Variants in ARL8B observed in about 807,000 individuals in gnomAD.
The protein encoded by ARL8B is ARF like GTPase 8B, also known as ADP-ribosylation factor-like protein 8B.
ARL8B carries 9 observed loss-of-function variants against 30.6 expected under a neutral mutation model. The ratio of observed to expected loss-of-function variants is 0.29; its 90% CI spans 0.18 to 0.51. ARL8B has a LOEUF of 0.51. ARL8B is among the 20% of genes least tolerant of loss of function. ARL8B has a pLI of 0.97. For synonymous variants in ARL8B, 74 were observed against 76.0 expected (o/e 0.97, Z 0.14); for missense variants, 130 against 227.2 (o/e 0.57, Z 2.75).
intron 4 of ARL8B, 114 bp downstream of exon 4, chr3:5,172,854 A>G: frequency 1.4e-6 from 1 of 738,426 alleles, no homozygotes; most frequent in Non-Finnish European, 2.2e-6. Flanking sequence ...TCATTTTTAA[A>G]ATCTGGAAAA....
At chr3:5,131,122 A>G (rs1248673316) in intron 1 of ARL8B, among the ~76,000 whole-genome samples, 1 of 152,040 alleles carries the variant, frequency 6.6e-6, no homozygotes, top group African/African-American at 2.4e-5. Flanking sequence ...CATGTGGGCC[A>G]GGCTGGTGTC....
At chr3:5,176,517 C>G (rs1241195694) in intron 6 of ARL8B, among the ~76,000 whole-genome samples, 1 of 152,208 alleles carries the variant, frequency 6.6e-6, no homozygotes, top group Non-Finnish European at 1.5e-5. Context: ...CAGGCATGAG[C>G]CACCACGCCC....
At chr3:5,132,589 TAGTC>T (rs776846818) in intron 1 of ARL8B, among the ~76,000 whole-genome samples, 4 of 152,230 alleles carry the variant, frequency 2.6e-5, no homozygotes, top group Non-Finnish European at 5.9e-5. Flanking sequence ...TTGTTTCTAA[TAGTC>T]TGTCCCTTTT....
intron 1 of ARL8B, among the ~76,000 whole-genome samples, chr3:5,140,352 G>T (rs1397008066): frequency 6.6e-6 from 1 of 152,058 alleles, no homozygotes; most frequent in African/African-American, 2.4e-5. Context: ...TGTGGTAAGG[G>T]GAAACCCCTT....
intron 1 of ARL8B, among the ~76,000 whole-genome samples, chr3:5,139,207 A>G (rs1379491745): frequency 6.6e-6 from 1 of 152,240 alleles, no homozygotes; most frequent in East Asian, 1.9e-4. Flanking sequence ...AGTAGGCACT[A>G]AAGGACTAAG....
rs568729707 is a variant in ARL8B at position 5,173,222 on chromosome 3, T to C, written c.372+482T>C. ...AAGGGATACATACAAATGTGAGGTA[T>C]ATGACAGTTGGAGGGGAAGAGAGTT... On this transcript the variant is annotated intron_variant, in intron 4 of 6. Transcript: ENST00000256496. 3.3e-5 allele frequency among the ~76,000 whole-genome samples: 5 copies of C among 152,176 alleles called. 1 individual carries two copies. The South Asian group carries it at 1.0e-3, about 32-fold the overall frequency.
rs1216300145 is a variant in ARL8B at position 5,175,306 on chromosome 3, ATCT to A, written c.511+897_511+899del. On this transcript the variant is annotated intron_variant, in intron 6 of 6. Coordinates refer to ENST00000256496, the MANE Select transcript of ARL8B (RefSeq NM_018184.3). ...GAGGACTGAATGTATAACATCCTGAATCTTCTTTGTGCTATTTAAAGAAGAAAA... is the reference window on the plus strand; with the variant it reads ...GAGGACTGAATGTATAACATCCTGAATCTTTGTGCTATTTAAAGAAGAAAA... Among the ~76,000 whole-genome samples, 6 of 152,208 alleles carry A rather than the reference ATCT, an allele frequency of 3.9e-5. No individual in the cohort carries two copies. The East Asian group carries it at 5.8e-4, about 15-fold the overall frequency.
chr3:5,172,391 T>C (rs1400273600), intron 3 of ARL8B, among the ~76,000 whole-genome samples, 168 bp downstream of exon 3: 1 of 152,224 alleles, frequency 6.6e-6, no homozygotes, highest in Non-Finnish European at 1.5e-5. Context: ...AAATTAATCA[T>C]AGAATAAGAT....
intron 1 of ARL8B, among the ~76,000 whole-genome samples, chr3:5,141,260 G>A (rs1210357988): frequency 6.6e-6 from 1 of 152,192 alleles, no homozygotes; most frequent in South Asian, 2.1e-4. Flanking sequence ...CTCGAAAATG[G>A]ACCACTTAAA....
chr3:5,134,011 T>C (rs751236113), intron 1 of ARL8B, among the ~76,000 whole-genome samples: 5 of 152,204 alleles, frequency 3.3e-5, no homozygotes, highest in African/African-American at 4.8e-5. Context: ...GGATGGCTGG[T>C]TGGAAATGAC....
At chr3:5,178,090 C>G (rs1019042556) in intron 6 of ARL8B, among the ~76,000 whole-genome samples, 1 of 152,208 alleles carries the variant, frequency 6.6e-6, no homozygotes, top group Non-Finnish European at 1.5e-5. Flanking sequence ...TTACCCAGCC[C>G]CAGATGTCAA....
rs145322824 is a variant in ARL8B, at chr3:5,163,762, C to T, written c.124-6741C>T. 3.1e-3 allele frequency among the ~76,000 whole-genome samples: 466 copies of T among 152,048 alleles called. 2 individuals carry two copies. Among genetic ancestry groups the T allele is most frequent in the African/African-American group, 0.011 (446 of 41,486 alleles). The stretch of plus-strand genomic sequence containing the variant: ...GCACGCGCGTGTAATCCCAGCTACT[C>T]GGGAGGCTGAGGCAGGAGAATTGCT... On this transcript the variant is annotated intron_variant, in intron 1 of 6. Coordinates refer to ENST00000256496, the MANE Select transcript of ARL8B (RefSeq NM_018184.3).
intron 1 of ARL8B, among the ~76,000 whole-genome samples, chr3:5,131,494 G>A (rs776447302): frequency 4.6e-5 from 7 of 151,822 alleles, no homozygotes; most frequent in African/African-American, 7.3e-5. Flanking sequence ...GAGTTCAAGC[G>A]ATTCTCCTGC....
chr3:5,160,535 G>T (rs992983251), intron 1 of ARL8B, among the ~76,000 whole-genome samples: 2 of 152,146 alleles, frequency 1.3e-5, no homozygotes, highest in African/African-American at 4.8e-5. Context: ...ATCCTCTAGG[G>T]TTGTCTTTGT....
chr3:5,130,904 A>G (rs1013991437), intron 1 of ARL8B, among the ~76,000 whole-genome samples: 4 of 152,052 alleles, frequency 2.6e-5, no homozygotes, highest in Non-Finnish European at 4.4e-5. Flanking sequence ...ACACATAGTT[A>G]GGCCTGCCTT....
At chr3:5,163,326 T>C (rs1053406245) in intron 1 of ARL8B, among the ~76,000 whole-genome samples, 1 of 152,200 alleles carries the variant, frequency 6.6e-6, no homozygotes, top group African/African-American at 2.4e-5. Flanking sequence ...TTTTTGGTTT[T>C]CTGCTTCTGT....
At chr3:5,151,371 A>G (rs2054481608) in intron 1 of ARL8B, among the ~76,000 whole-genome samples, 1 of 152,088 alleles carries the variant, frequency 6.6e-6, no homozygotes, top group Non-Finnish European at 1.5e-5. Context: ...TGAACTCAGG[A>G]GTCTGAGGCT....
At chr3:5,142,425 C>T (rs1029012835) in intron 1 of ARL8B, among the ~76,000 whole-genome samples, 1 of 152,114 alleles carries the variant, frequency 6.6e-6, no homozygotes, top group African/African-American at 2.4e-5. Flanking sequence ...TCTTGTTTCC[C>T]CATGCGTCCT....
intron 1 of ARL8B, among the ~76,000 whole-genome samples, chr3:5,141,603 C>T (rs1039796719): frequency 9.9e-5 from 15 of 152,180 alleles, no homozygotes; most frequent in Admixed American, 2.6e-4. Flanking sequence ...TTAGCCAACC[C>T]GTAAATGGGT....
Sources: gnomAD v4.1 joint callset for allele counts (sites outside exome capture counted in the v4.1 genomes callset) on GRCh38, gnomAD v4.1.1 for gene constraint, MANE v1.5 for transcripts, NCBI Gene and HGNC (gene_info 2026-07-23, HGNC 2026-07-21) for gene names.